SYNPO2: variants seen among roughly 807,000 people sequenced by gnomAD.
SYNPO2 encodes synaptopodin-2.
In SYNPO2, 56 loss-of-function variants were observed where a neutral mutation model predicts 85.0. The observed-to-expected ratio is 0.66, with a 90% CI of 0.53 to 0.82. The LOEUF (loss-of-function observed/expected upper bound fraction) is 0.82. Ranked by LOEUF, SYNPO2 falls within the 40% of genes least tolerant of loss-of-function variation. The pLI is 0.00. For missense variants in SYNPO2, 1,575 were observed against 1,534.2 expected, an observed-to-expected ratio of 1.03 and a Z score of -0.44; for synonymous variants, 602 against 591.1, an observed-to-expected ratio of 1.02 and a Z score of -0.27.
At chr4:118,899,245 T>C (rs1393645587) in intron 1 of SYNPO2, among the ~76,000 whole-genome samples, 1 of 152,228 alleles carries the variant, frequency 6.6e-6, no homozygotes, top group Non-Finnish European at 1.5e-5. Context: ...TATATGTACA[T>C]GTACTGATGG....
At chr4:118,902,982 T>C (rs965892341) in intron 1 of SYNPO2, among the ~76,000 whole-genome samples, 2 of 152,234 alleles carry the variant, frequency 1.3e-5, no homozygotes, top group Admixed American at 6.5e-5. Flanking sequence ...AACTAACCCA[T>C]GGAAAGGATA....
intron 3 of SYNPO2, 112 bp downstream of exon 3, chr4:119,027,550 A>G: frequency 9.5e-7 from 1 of 1,054,882 alleles, no homozygotes; most frequent in Non-Finnish European, 1.3e-6. Context: ...CATTGGCTTA[A>G]AGAAATATTT....
intron 1 of SYNPO2, among the ~76,000 whole-genome samples, chr4:118,955,958 TTAAA>T (rs530840172): frequency 3.5e-4 from 53 of 152,288 alleles, no homozygotes; most frequent in African/African-American, 1.2e-3. Context: ...TAGATATGTG[TTAAA>T]TAAATAAAAG....
intron 1 of SYNPO2, among the ~76,000 whole-genome samples, chr4:118,913,231 A>G (rs1260736080): frequency 6.6e-6 from 1 of 152,196 alleles, no homozygotes; most frequent in African/African-American, 2.4e-5. Flanking sequence ...ATTATGAAAT[A>G]CAAATCATGA....
At chr4:118,940,844 C>A (rs190395993) in intron 1 of SYNPO2, among the ~76,000 whole-genome samples, 1 of 152,292 alleles carries the variant, frequency 6.6e-6, no homozygotes, top group African/African-American at 2.4e-5. Context: ...TCTCCTGTCA[C>A]CCCCATCTCG....
chr4:118,985,485 C>T (rs980070213), intron 1 of SYNPO2, among the ~76,000 whole-genome samples: 8 of 152,184 alleles, frequency 5.3e-5, no homozygotes, highest in Admixed American at 5.2e-4. Flanking sequence ...TTCTCTTCTC[C>T]CCTAAAACTG....
At chr4:118,868,170 T>G (rs1449597202) in intron 1 of SYNPO2, among the ~76,000 whole-genome samples, 1 of 152,006 alleles carries the variant, frequency 6.6e-6, no homozygotes, top group Non-Finnish European at 1.5e-5. Flanking sequence ...TTAGATGCTC[T>G]TGTAAAACAT....
chr4:118,960,621 C>T (rs1735045131), intron 1 of SYNPO2, among the ~76,000 whole-genome samples: 1 of 152,092 alleles, frequency 6.6e-6, no homozygotes, highest in Non-Finnish European at 1.5e-5. Flanking sequence ...ATCTAACTGC[C>T]TACTGGACAT....
rs1284894206 is a variant in SYNPO2 at position 118,890,101 on chromosome 4, ATTGT to A, written c.105+967_105+970del. The stretch of plus-strand genomic sequence containing the variant: ...TACATGGGCCATTGCCTTTGTAGTT[ATTGT>A]TTGTTTCCCTCTGGCTTTTACTCTT... On this transcript the variant is annotated intron_variant, in intron 1 of 4. Coordinates refer to ENST00000307142, the MANE Select transcript of SYNPO2 (RefSeq NM_133477.3). Among the ~76,000 whole-genome samples the A allele has an allele frequency of 2.7e-5, 4 of 146,040 alleles. No homozygotes were observed. The East Asian group carries it at 8.2e-4, about 30-fold the overall frequency.
intron 1 of SYNPO2, among the ~76,000 whole-genome samples, chr4:118,927,780 A>AGATAGATAGATAGATAGATT (rs1365531175): frequency 1.4e-4 from 20 of 141,098 alleles, no homozygotes; most frequent in African/African-American, 4.7e-4. Context: ...GATAGATGAT[A>AGATAGATAGATAGATAGATT]GATAGATAGA....
At chr4:119,006,186 C>T (rs530847002) in intron 1 of SYNPO2, 178 of 152,840 alleles carry the variant, frequency 1.2e-3, no homozygotes, top group Non-Finnish European at 1.2e-3. Context: ...CCTGGCTTTT[C>T]TTATACTTTT....
chr4:118,901,703 G>A, intron 1 of SYNPO2, among the ~76,000 whole-genome samples: 1 of 152,260 alleles, frequency 6.6e-6, no homozygotes, highest in East Asian at 1.9e-4. Context: ...ATAATATATT[G>A]CAAAATACTG....
chr4:119,023,852 T>A (rs1276371039), intron 2 of SYNPO2, among the ~76,000 whole-genome samples: 1 of 152,258 alleles, frequency 6.6e-6, no homozygotes, highest in Non-Finnish European at 1.5e-5. Flanking sequence ...CTTAGAAAGC[T>A]CAGTATATTG....
chr4:119,052,831 G>A (rs1477889449), intron 4 of SYNPO2, among the ~76,000 whole-genome samples: 1 of 152,158 alleles, frequency 6.6e-6, no homozygotes, highest in Non-Finnish European at 1.5e-5. Context: ...AATGTCCCAG[G>A]ATCTGCTAAG....
At chr4:119,006,182 T>G (rs1737024928) in intron 1 of SYNPO2, 1 of 152,908 alleles carries the variant, frequency 6.5e-6, no homozygotes. Context: ...TAACCCTGGC[T>G]TTTCTTATAC....
At chr4:118,900,695 C>CTA (rs1348622658) in intron 1 of SYNPO2, among the ~76,000 whole-genome samples, 32 of 42,050 alleles carry the variant, frequency 7.6e-4, no homozygotes, top group South Asian at 3.0e-3. Flanking sequence ...CTCTCTCTCT[C>CTA]TCTCTCTCTA....
intron 1 of SYNPO2, among the ~76,000 whole-genome samples, chr4:118,878,071 T>C (rs1487544024): frequency 6.6e-6 from 1 of 152,104 alleles, no homozygotes; most frequent in South Asian, 2.1e-4. Context: ...ATGGATGGAG[T>C]TGGAGGCCAT....
chr4:119,024,711 T>C (rs1737865902), intron 2 of SYNPO2, among the ~76,000 whole-genome samples: 1 of 152,150 alleles, frequency 6.6e-6, no homozygotes, highest in African/African-American at 2.4e-5. Flanking sequence ...AGTAAGTAAC[T>C]AATTGGTAGG....
intron 1 of SYNPO2, among the ~76,000 whole-genome samples, chr4:118,974,437 T>A (rs1391997590): frequency 2.6e-5 from 4 of 152,260 alleles, no homozygotes; most frequent in African/African-American, 7.2e-5. Flanking sequence ...CTGGATTTCT[T>A]GCCAGATTAG....
Sources: allele counts gnomAD v4.1 joint callset (sites outside exome capture counted in the v4.1 genomes callset), GRCh38; gene constraint gnomAD v4.1.1; transcripts MANE v1.5; gene names NCBI Gene and HGNC (gene_info 2026-07-23, HGNC 2026-07-21).